TNFRSF14: variants seen among roughly 807,000 people sequenced by gnomAD.
The protein encoded by TNFRSF14 is tumor necrosis factor receptor superfamily member 14.
A neutral mutation model predicts 34.1 loss-of-function variants in TNFRSF14; 18 were observed. That is an observed-to-expected ratio of 0.53 (90% confidence interval 0.36 to 0.78). The LOEUF (loss-of-function observed/expected upper bound fraction) is 0.78. Among genes scored for constraint, TNFRSF14 ranks in the 30% least tolerant of loss-of-function variants. The pLI is 0.00. For synonymous variants in TNFRSF14, 157 were observed against 153.2 expected (o/e 1.02, Z -0.18); for missense variants, 352 against 379.5 (o/e 0.93, Z 0.60).
intron 6 of TNFRSF14, chr1:2,562,479 AG>A: frequency 2.8e-6 from 1 of 354,434 alleles, no homozygotes; most frequent in Non-Finnish European, 5.2e-6. Flanking sequence ...CTCAGGCTCT[AG>A]GGTAGGCCGG....
upstream of TNFRSF14, chr1:2,555,382 T>G: frequency 6.6e-6 from 1 of 152,136 alleles, no homozygotes; most frequent in East Asian, 1.9e-4. This position sits in a 1 kb window ranked among gnomAD's most constrained non-coding sequence, Gnocchi z 6.3. Flanking sequence ...CTGCCACAGA[T>G]TCCTGTGGCT....
rs777984898 is a variant in TNFRSF14 at position 2,559,836 on chromosome 1, C to T, written c.318C>T (p.Arg106=). The change falls in exon 4 of 8, where the codon CGC becomes CGT. Residue 106 remains arginine, a synonymous_variant. Coordinates refer to ENST00000355716, the MANE Select transcript of TNFRSF14 (RefSeq NM_003820.4). ...CTTGGACTCCAGCCATGGGCCTGCG[C>T]GCGAGCCGGAACTGCTCCAGGACAG... The part of the protein sequence containing the change: ...CQMCDPAMGL[R]ASRNCSRTEN... 2.6e-5 allele frequency: 42 copies of T among 1,607,518 alleles called. No individual in the cohort carries two copies. Among genetic ancestry groups the T allele is most frequent in the Middle Eastern group, 1.6e-4 (1 of 6,076 alleles).
In TNFRSF14 at chr1:2,561,140, T is replaced by C. The variant is rs1427745716; in HGVS notation, c.551+426T>C. On this transcript the variant is annotated intron_variant, in intron 5 of 7. Transcript: ENST00000355716. The surrounding 1 kb of genome is among the most constrained non-coding windows in gnomAD (Gnocchi z 6.0). Reference sequence around the variant, plus strand: ...CAAATGCTGACCCTGGGCCCCTAACTGACCTGAGACTTCAGAGCTTCTTGG... The same window carrying C: ...CAAATGCTGACCCTGGGCCCCTAACCGACCTGAGACTTCAGAGCTTCTTGG... The C allele has an allele frequency of 8.9e-6, 3 of 336,688 alleles. No individual in the cohort carries two copies. The highest frequency in any genetic ancestry group is 4.4e-5 in the Admixed American group (1 of 22,814). 20.9% of individuals were successfully genotyped at this position (336,688 alleles called of 1,614,324 possible). A position where few individuals can be genotyped will look rare whatever the true frequency, so the allele number is the denominator to read the frequency against.
At chr1:2,560,995 T>G (rs1004282439) in intron 5 of TNFRSF14, 2 of 460,430 alleles carry the variant, frequency 4.3e-6, no homozygotes, top group East Asian at 3.5e-5. Context: ...TGCCTCCAGA[T>G]CCCCTGTCCC....
chr1:2,560,024 C>G, intron 4 of TNFRSF14, 46 bp downstream of exon 4: 1 of 1,483,846 alleles, frequency 6.7e-7, no homozygotes, highest in South Asian at 1.3e-5. Flanking sequence ...ACCCTGGTCC[C>G]CAGTGCCCCG....
At position 2,563,396 on chromosome 1, in the gene TNFRSF14, T is replaced by A. The variant is rs776584562; in HGVS notation, c.*123T>A. ...GGGCTCCGCCCTGGGCTGGCTTCCG[T>A]CTCCTCCAGTGGAGGGAGAGGTGGG... On this transcript the variant is annotated 3_prime_UTR_variant, in exon 8 of 8. Coordinates refer to ENST00000355716, the MANE Select transcript of TNFRSF14 (RefSeq NM_003820.4). 20 of 1,488,720 alleles carry A rather than the reference T, an allele frequency of 1.3e-5. No homozygotes were observed. The highest frequency in any genetic ancestry group is 1.7e-5 in the Non-Finnish European group (19 of 1,110,126). 92.2% of individuals were successfully genotyped at this position (1,488,720 alleles called of 1,614,324 possible).
At chr1:2,558,729 C>T (rs1442988401) in intron 3 of TNFRSF14, 7 of 1,144,744 alleles carry the variant, frequency 6.1e-6, no homozygotes, top group African/African-American at 1.6e-5. Context: ...TATCCCTCGT[C>T]CTTGGCTCCT....
At chr1:2,560,357 C>A (rs557645605) in intron 4 of TNFRSF14, among the ~76,000 whole-genome samples, 1 of 152,140 alleles carries the variant, frequency 6.6e-6, no homozygotes, top group Non-Finnish European at 1.5e-5. Flanking sequence ...TGCATCTGGC[C>A]GGGCAGCCCC....
chr1:2,562,577 G>C lies in TNFRSF14; in HGVS notation c.695-288G>C, dbSNP rs1324700675. 4 of 578,654 alleles carry C rather than the reference G, an allele frequency of 6.9e-6. No homozygotes were observed. The East Asian group carries it at 1.2e-4, about 17-fold the overall frequency. 35.8% of individuals were successfully genotyped at this position (578,654 alleles called of 1,614,324 possible). On this transcript the variant is annotated intron_variant, in intron 6 of 7. Transcript: ENST00000355716. ...GTGAAGCGCTTGTTCCCCTCCCATA[G>C]ATGACGGTTGAATTAGGGTTAGTTA...
At chr1:2,556,342 A>C, upstream of TNFRSF14, 2 of 619,312 alleles carry the variant, frequency 3.2e-6, no homozygotes, top group East Asian at 3.2e-5. Flanking sequence ...CAGGGGGAGA[A>C]CTCGCCCCTC....
Position 2,563,294 on chromosome 1 carries a change from A to T in TNFRSF14, c.*21A>T. Reference sequence around the variant, plus strand: ...ACTGACCCACAGACTCTGCACCCCGACGCCAGAGATACCTGGAGCGACGGC... The same window carrying T: ...ACTGACCCACAGACTCTGCACCCCGTCGCCAGAGATACCTGGAGCGACGGC... On this transcript the variant is annotated 3_prime_UTR_variant, in exon 8 of 8. Coordinates refer to ENST00000355716, the MANE Select transcript of TNFRSF14 (RefSeq NM_003820.4). 1 of 1,610,378 alleles carries T rather than the reference A, an allele frequency of 6.2e-7. No homozygotes were observed. Among genetic ancestry groups the T allele is most frequent in the East Asian group, 2.2e-5 (1 of 44,818 alleles).
upstream of TNFRSF14, among the ~76,000 whole-genome samples, chr1:2,554,472 G>A (rs56083892): frequency 7.2e-5 from 11 of 152,280 alleles, no homozygotes; most frequent in Non-Finnish European, 1.2e-4. The surrounding 1 kb of genome is among the most constrained non-coding windows in gnomAD (Gnocchi z 4.2). Flanking sequence ...GGGCCGAGGC[G>A]GGCGGATACG....
intron 1 of TNFRSF14, 123 bp from the exon 2 acceptor site, chr1:2,557,603 C>A: frequency 1.4e-6 from 1 of 699,320 alleles, no homozygotes; most frequent in Non-Finnish European, 2.3e-6. Context: ...CGCTTCTGTC[C>A]TCTCTACCAG....
chr1:2,563,252 G>C lies in TNFRSF14; in HGVS notation c.831G>C (p.Thr277=), dbSNP rs971879075. Residue 277 remains threonine (T), a synonymous_variant, in exon 8 of 8, where the codon ACG becomes ACC. Coordinates refer to ENST00000355716, the MANE Select transcript of TNFRSF14 (RefSeq NM_003820.4). ...VAVEETIPSF[T]GRSPNH is the part of the protein sequence containing the mutation. ...TGGAGGAGACAATACCCTCATTCAC[G>C]GGGAGGAGCCCAAACCACTGACCCA... 6.2e-7 allele frequency: 1 copy of C among 1,613,476 alleles called. No individual in the cohort carries two copies. Among genetic ancestry groups the C allele is most frequent in the Middle Eastern group, 1.7e-4 (1 of 6,060 alleles).
chr1:2,556,895 C>G (rs1439873096), intron 1 of TNFRSF14, 162 bp downstream of exon 1: 1 of 673,910 alleles, frequency 1.5e-6, no homozygotes, highest in East Asian at 2.7e-5. Flanking sequence ...AGACCCCCAG[C>G]ACTGGGCTCA....
rs1328812624 is a variant in TNFRSF14, at chr1:2,556,813, G to A, written c.69+80G>A. 1.0e-5 allele frequency: 14 copies of A among 1,397,142 alleles called. No individual in the cohort carries two copies. The Admixed American group carries it at 3.7e-4, about 37-fold the overall frequency. The allele number at this position is 1,397,142 out of a possible 1,614,324, so 86.5% of individuals were successfully genotyped here. The stretch of plus-strand genomic sequence containing the variant: ...GGCCTCCCACAGATCTCTTCCCCAT[G>A]CCCCTGTCCTGGCCGTTGCTGGCTC... On this transcript the variant is annotated intron_variant, in intron 1 of 7. Transcript: ENST00000355716.
chr1:2,558,294 C>T lies in TNFRSF14; in HGVS notation c.179-49C>T, dbSNP rs774680331. 1.0e-5 allele frequency: 16 copies of T among 1,562,410 alleles called. No homozygotes were observed. The East Asian group carries it at 2.0e-4, about 20-fold the overall frequency. ...GCGGGTGGAGTGATGGGTGGGCTCC[C>T]GAAGGGGCCTCCCGCAGACTTGCGA... is the stretch of plus-strand genomic sequence containing the variant. On this transcript the variant is annotated intron_variant, in intron 2 of 7. Coordinates refer to ENST00000355716, the MANE Select transcript of TNFRSF14 (RefSeq NM_003820.4).
intron 6 of TNFRSF14, 53 bp from the exon 7 acceptor site, chr1:2,562,812 T>C: frequency 6.2e-7 from 1 of 1,612,350 alleles, no homozygotes; most frequent in Non-Finnish European, 8.5e-7. Flanking sequence ...CATGAGCCTG[T>C]GTCCCCTGAT....
rs750872802 is a variant in TNFRSF14, at chr1:2,563,732, A to C, written c.*459A>C. 7.5e-5 allele frequency: 18 copies of C among 238,974 alleles called. No individual in the cohort carries two copies. The highest frequency in any genetic ancestry group is 1.3e-4 in the Non-Finnish European group (16 of 122,202). 14.8% of individuals were successfully genotyped at this position (238,974 alleles called of 1,614,324 possible). A position where few individuals can be genotyped will look rare whatever the true frequency, so the allele number is the denominator to read the frequency against. ...ATACCACATCGGAAGTGATTTTCTA[A>C]ATTGGATTTGAATTCGGCTCCTGTT... On this transcript the variant is annotated 3_prime_UTR_variant, in exon 8 of 8. Coordinates refer to ENST00000355716, the MANE Select transcript of TNFRSF14 (RefSeq NM_003820.4).
Sources: allele counts gnomAD v4.1 joint callset (sites outside exome capture counted in the v4.1 genomes callset), GRCh38; gene constraint gnomAD v4.1.1; non-coding constraint Gnocchi (gnomAD v3.1); transcripts MANE v1.5; gene names NCBI Gene and HGNC (gene_info 2026-07-23, HGNC 2026-07-21).